PLCH1: variants seen among roughly 807,000 people sequenced by gnomAD.
PLCH1 encodes the protein phospholipase C eta 1.
PLCH1 carries 60 observed loss-of-function variants against 126.7 expected under a neutral mutation model. That is an observed-to-expected ratio of 0.47 (90% CI 0.38 to 0.59). The LOEUF (loss-of-function observed/expected upper bound fraction) is 0.59. PLCH1 is among the 20% of genes least tolerant of loss of function. The pLI, the probability that PLCH1 is intolerant of heterozygous loss-of-function variation, is 0.00. For missense variants in PLCH1, 1,723 were observed against 2,040.0 expected (o/e 0.84, Z 2.99); for synonymous variants, 719 against 734.9 (o/e 0.98, Z 0.35).
chr3:155,659,791 G>A (rs933055923), intron 2 of PLCH1, among the ~76,000 whole-genome samples: 14 of 151,984 alleles, frequency 9.2e-5, no homozygotes, highest in African/African-American at 2.9e-4. Context: ...GAGCCACTGC[G>A]CTCAGCTAAT....
Position 155,594,186 on chromosome 3 carries a change from T to C in PLCH1, c.227-2A>G. ...CTTTGTAAATGGAATCAATAAGTACTGTGAGGAAAATGAGATACACACAGT... is the reference window on the plus strand; with the variant it reads ...CTTTGTAAATGGAATCAATAAGTACCGTGAGGAAAATGAGATACACACAGT... On this transcript the variant is annotated splice_acceptor_variant, in intron 3 of 22. Coordinates refer to ENST00000460012, the MANE Select transcript of PLCH1 (RefSeq NM_014996.4). LOFTEE classifies it high-confidence loss of function. 6.2e-7 allele frequency: 1 copy of C among 1,612,664 alleles called. No homozygotes were observed. Among genetic ancestry groups the C allele is most frequent in the Non-Finnish European group, 8.5e-7 (1 of 1,178,988 alleles).
At chr3:155,472,778 G>A (rs544213592) in intron 21 of PLCH1, among the ~76,000 whole-genome samples, 37 of 149,016 alleles carry the variant, frequency 2.5e-4, no homozygotes, top group African/African-American at 7.4e-4. Flanking sequence ...TTCAATATAC[G>A]TAAATCAATA....
At position 155,485,509 on chromosome 3, in the gene PLCH1, C is replaced by T; in HGVS notation, c.2821G>A (p.Ala941Thr). The change falls in exon 22 of 23, where the codon GCC becomes ACC. Residue 941 changes from alanine (A) to threonine (T), a missense_variant. By Grantham distance (58) the Ala-to-Thr change is moderately conservative. Coordinates refer to ENST00000460012, the MANE Select transcript of PLCH1 (RefSeq NM_014996.4). Reference sequence around the variant, plus strand: ...AGCACGCCATCTTGATCTCTTGTGGCCTCGGACACAGAATCCTTTATCTCC... The same window carrying T: ...AGCACGCCATCTTGATCTCTTGTGGTCTCGGACACAGAATCCTTTATCTCC... ...MVEIKDSVSEATRDQDGVLRR... is the reference protein window; with the variant it reads ...MVEIKDSVSETTRDQDGVLRR... 1 of 1,614,194 alleles carries T rather than the reference C, an allele frequency of 6.2e-7. No individual in the cohort carries two copies. The highest frequency in any genetic ancestry group is 8.5e-7 in the Non-Finnish European group (1 of 1,180,040).
At chr3:155,561,596 G>A (rs1181814139) in intron 8 of PLCH1, among the ~76,000 whole-genome samples, 6 of 151,794 alleles carry the variant, frequency 4.0e-5, no homozygotes, top group African/African-American at 9.7e-5. Flanking sequence ...ATAAACATAC[G>A]TGTGCATGTG....
intron 12 of PLCH1, among the ~76,000 whole-genome samples, chr3:155,514,278 A>G (rs998487770): frequency 6.6e-6 from 1 of 152,218 alleles, no homozygotes; most frequent in African/African-American, 2.4e-5. Context: ...GAGGGCAACC[A>G]TCAATGCAGA....
chr3:155,742,135 C>T (rs1271561982), intron 1 of PLCH1: 1 of 152,162 alleles, frequency 6.6e-6, no homozygotes, highest in Non-Finnish European at 1.5e-5. Context: ...GGACTCACAG[C>T]TCTTAGTTCA....
At chr3:155,468,631 A>G (rs1244565592) in intron 21 of PLCH1, among the ~76,000 whole-genome samples, 3 of 152,256 alleles carry the variant, frequency 2.0e-5, no homozygotes, top group Non-Finnish European at 2.9e-5. Context: ...GACAAAAACT[A>G]TAAGAAGAGA....
At chr3:155,584,504 T>C (rs1485876619) in intron 5 of PLCH1, among the ~76,000 whole-genome samples, 1 of 152,234 alleles carries the variant, frequency 6.6e-6, no homozygotes, top group Non-Finnish European at 1.5e-5. Context: ...GCTTCCATCA[T>C]ATGCCTTACT....
Position 155,542,033 on chromosome 3 carries a change from G to A in PLCH1, c.1362+7754C>T, listed in dbSNP as rs1030386702. ...CACTAGGGAGTGCCAGACAGTGGGC[G>A]CAGGACAGTGGGTGCAGTGCACCAT... On this transcript the variant is annotated intron_variant, in intron 10 of 22. Transcript: ENST00000460012. Among the ~76,000 whole-genome samples, 21 of 152,288 alleles carry A rather than the reference G, an allele frequency of 1.4e-4. No individual in the cohort carries two copies. In the South Asian group the frequency reaches 1.9e-3, roughly 14 times the overall value.
intron 10 of PLCH1, among the ~76,000 whole-genome samples, chr3:155,535,498 G>A (rs1560125847): frequency 6.6e-6 from 1 of 152,214 alleles, no homozygotes; most frequent in African/African-American, 2.4e-5. Context: ...GGTGAGGCCT[G>A]TCACTGCCAG....
chr3:155,512,054 G>A (rs997036397), intron 12 of PLCH1, among the ~76,000 whole-genome samples: 9 of 150,438 alleles, frequency 6.0e-5, no homozygotes, highest in African/African-American at 2.2e-4. Flanking sequence ...TAGTCTCGTG[G>A]TGCGCCGTTT....
chr3:155,494,028 G>T, intron 17 of PLCH1, 113 bp downstream of exon 17: 1 of 764,408 alleles, frequency 1.3e-6, no homozygotes, highest in Non-Finnish European at 2.1e-6. Context: ...AAAAAAAGTT[G>T]AAAAACTCTG....
chr3:155,727,238 T>A (rs1362366885), intron 1 of PLCH1, among the ~76,000 whole-genome samples: 6 of 152,176 alleles, frequency 3.9e-5, no homozygotes, highest in Admixed American at 2.6e-4. Flanking sequence ...GGAGGTTTTT[T>A]ATTCTGTTTT....
intron 1 of PLCH1, among the ~76,000 whole-genome samples, chr3:155,740,526 G>C (rs1333616977): frequency 6.6e-6 from 1 of 151,928 alleles, no homozygotes; most frequent in Non-Finnish European, 1.5e-5. Flanking sequence ...AACTATAGCA[G>C]TTTCATATAG....
At chr3:155,738,206 G>T (rs1311866061) in intron 1 of PLCH1, among the ~76,000 whole-genome samples, 1 of 152,186 alleles carries the variant, frequency 6.6e-6, no homozygotes, top group Non-Finnish European at 1.5e-5. Flanking sequence ...TGGTGTCTGA[G>T]GCAGAGGCTG....
At chr3:155,667,387 C>T (rs77355732) in intron 2 of PLCH1, among the ~76,000 whole-genome samples, 12,572 of 151,822 alleles carry the variant, frequency 0.083, 698 homozygotes, top group Non-Finnish European at 0.12. Context: ...AGGGATGGTC[C>T]CAGCAACTTT....
At chr3:155,580,968 T>C (rs948970503) in intron 6 of PLCH1, among the ~76,000 whole-genome samples, 1 of 152,208 alleles carries the variant, frequency 6.6e-6, no homozygotes, top group African/African-American at 2.4e-5. Flanking sequence ...ATATAGTATC[T>C]ATTCATACAA....
At chr3:155,677,035 G>C (rs1010104532) in intron 2 of PLCH1, among the ~76,000 whole-genome samples, 1 of 152,192 alleles carries the variant, frequency 6.6e-6, no homozygotes, top group Non-Finnish European at 1.5e-5. Flanking sequence ...AGCAGATACA[G>C]TAGCAATTTA....
chr3:155,500,440 C>T (rs924666286), intron 14 of PLCH1, among the ~76,000 whole-genome samples: 1 of 152,172 alleles, frequency 6.6e-6, no homozygotes, highest in African/African-American at 2.4e-5. Context: ...AGTTCATGTG[C>T]TCCCTCCCTC....
Sources: allele counts gnomAD v4.1 joint callset (sites outside exome capture counted in the v4.1 genomes callset), GRCh38; gene constraint gnomAD v4.1.1; transcripts MANE v1.5; gene names NCBI Gene and HGNC (gene_info 2026-07-23, HGNC 2026-07-21).